The following PARD3B variants were observed in gnomAD, a reference collection of about 807,000 sequenced individuals.
PARD3B encodes partitioning defective 3 homolog B.
In PARD3B, 103 loss-of-function variants were observed where a neutral mutation model predicts 130.2. That is an observed-to-expected ratio of 0.79 (90% CI 0.67 to 0.93). The LOEUF (loss-of-function observed/expected upper bound fraction) is 0.93. Ranked by LOEUF, PARD3B falls within the 40% of genes least tolerant of loss-of-function variation. The probability of loss-of-function intolerance (pLI) is 0.00; values close to 1 mark genes in which losing one functional copy is unlikely to be tolerated. For missense variants in PARD3B, 1,609 were observed against 1,499.2 expected (o/e 1.07, Z -1.21); for synonymous variants, 583 against 553.2 (o/e 1.05, Z -0.76).
At position 204,771,071 on chromosome 2, in the gene PARD3B, C is replaced by G. The variant is rs572710682; in HGVS notation, c.222+84789C>G. On this transcript the variant is annotated intron_variant, in intron 2 of 22. Coordinates refer to ENST00000406610, the MANE Select transcript of PARD3B (RefSeq NM_001302769.2). ...GGTAAGAATTGTAGATAAGAATAGC[C>G]TAGACCCTCTTAAAGATCAGAGCAG... Among the ~76,000 whole-genome samples the G allele has an allele frequency of 2.6e-5, 4 of 152,142 alleles. No homozygotes were observed. The South Asian group carries it at 6.2e-4, about 24-fold the overall frequency.
chr2:205,149,565 T>C (rs868509673), intron 10 of PARD3B, among the ~76,000 whole-genome samples: 2 of 152,218 alleles, frequency 1.3e-5, no homozygotes, highest in African/African-American at 4.8e-5. Context: ...CAACTAAGTG[T>C]TCAGTCATGA....
chr2:205,328,956 A>G (rs558509396), intron 18 of PARD3B, among the ~76,000 whole-genome samples: 1 of 152,236 alleles, frequency 6.6e-6, no homozygotes, highest in Non-Finnish European at 1.5e-5. Flanking sequence ...TTTTTCCTCA[A>G]TGCATTTCTA....
At position 204,678,634 on chromosome 2, in the gene PARD3B, T is replaced by C. The variant is rs1032868164; in HGVS notation, c.121-7547T>C. Among the ~76,000 whole-genome samples, 10 of 151,976 alleles carry C rather than the reference T, an allele frequency of 6.6e-5. No individual in the cohort carries two copies. The highest frequency in any genetic ancestry group is 2.4e-4 in the African/African-American group (10 of 41,356). ...AGCCGCGTCTAGCCTTAGTCTCTGA[T>C]GCGCAGTTGCTTCTAGTCTCTGATG... is the stretch of plus-strand genomic sequence containing the variant. On this transcript the variant is annotated intron_variant, in intron 1 of 22. Coordinates refer to ENST00000406610, the MANE Select transcript of PARD3B (RefSeq NM_001302769.2). The surrounding 1 kb of genome is among the most constrained non-coding windows in gnomAD (Gnocchi z 4.2).
intron 4 of PARD3B, among the ~76,000 whole-genome samples, chr2:205,058,958 T>C (rs1490088462): frequency 1.3e-5 from 2 of 151,988 alleles, no homozygotes; most frequent in Non-Finnish European, 2.9e-5. Flanking sequence ...TTTTTCTTTT[T>C]TTTTTTTAAC....
At chr2:204,820,070 A>ATTTTTTTT (rs1559170803) in intron 2 of PARD3B, among the ~76,000 whole-genome samples, 13 of 86,296 alleles carry the variant, frequency 1.5e-4, no homozygotes, top group African/African-American at 7.1e-4. Flanking sequence ...TAAACAATAG[A>ATTTTTTTT]CTTTTTTTTT....
chr2:204,787,935 G>A (rs1164804479), intron 2 of PARD3B, among the ~76,000 whole-genome samples: 1 of 152,192 alleles, frequency 6.6e-6, no homozygotes, highest in Non-Finnish European at 1.5e-5. Context: ...ACCAGACGGA[G>A]CTCCTGGGGG....
chr2:204,608,506 G>A (rs747622957), intron 1 of PARD3B, among the ~76,000 whole-genome samples: 6 of 152,150 alleles, frequency 3.9e-5, no homozygotes, highest in African/African-American at 1.4e-4. Context: ...TTCTGAATTG[G>A]CTGGGTCTTA....
chr2:205,385,912 T>C (rs935694074), intron 18 of PARD3B, among the ~76,000 whole-genome samples: 1 of 152,190 alleles, frequency 6.6e-6, no homozygotes, highest in Admixed American at 6.6e-5. Flanking sequence ...CACAGAGTAT[T>C]AATTTTTAAA....
intron 2 of PARD3B, among the ~76,000 whole-genome samples, chr2:204,936,018 A>G (rs956307995): frequency 6.6e-6 from 1 of 152,246 alleles, no homozygotes; most frequent in African/African-American, 2.4e-5. Flanking sequence ...AAACATGTAC[A>G]GAATGTAAGA....
At chr2:205,303,862 T>C (rs1250449386) in intron 18 of PARD3B, among the ~76,000 whole-genome samples, 1 of 152,168 alleles carries the variant, frequency 6.6e-6, no homozygotes, top group East Asian at 1.9e-4. Flanking sequence ...TTTTGTTGGG[T>C]GTTACAGGCA....
At chr2:204,831,815 A>AT (rs199529202) in intron 2 of PARD3B, among the ~76,000 whole-genome samples, 12,394 of 151,638 alleles carry the variant, frequency 0.082, 613 homozygotes, top group African/African-American at 0.13. Flanking sequence ...AAGCTTCCAG[A>AT]TTTTTTTTTA....
intron 1 of PARD3B, among the ~76,000 whole-genome samples, chr2:204,647,086 T>C (rs1317680736): frequency 6.6e-6 from 1 of 151,772 alleles, no homozygotes; most frequent in Non-Finnish European, 1.5e-5. Context: ...AGTCGAAGAG[T>C]TTTAAGTTAA....
At chr2:205,354,596 A>T (rs12472752) in intron 18 of PARD3B, among the ~76,000 whole-genome samples, 1 of 151,670 alleles carries the variant, frequency 6.6e-6, no homozygotes, top group Non-Finnish European at 1.5e-5. Context: ...GGGATTATAA[A>T]CATGTGCCAC....
chr2:205,618,830 T>G lies in PARD3B; in HGVS notation c.*3017T>G, dbSNP rs2055514314. ...GGTTGTGGCACTCTCACCCTTGCCA[T>G]AATACCGTTTCCTAACAATATCAAA... On this transcript the variant is annotated 3_prime_UTR_variant, in exon 23 of 23. Coordinates refer to ENST00000406610, the MANE Select transcript of PARD3B (RefSeq NM_001302769.2). 1 of 152,190 alleles carries G rather than the reference T, an allele frequency of 6.6e-6. No homozygotes were observed. The highest frequency in any genetic ancestry group is 6.5e-5 in the Admixed American group (1 of 15,280). The allele number at this position is 152,190 out of a possible 1,614,324, so 9.4% of individuals were successfully genotyped here. A position where few individuals can be genotyped will look rare whatever the true frequency, so the allele number is the denominator to read the frequency against.
At chr2:205,041,612 G>A (rs975880681) in intron 3 of PARD3B, among the ~76,000 whole-genome samples, 4 of 151,942 alleles carry the variant, frequency 2.6e-5, no homozygotes, top group Non-Finnish European at 4.4e-5. Context: ...TGCTTTCACC[G>A]TGACCTGCCC....
chr2:204,992,190 C>G (rs1202935617), intron 3 of PARD3B, among the ~76,000 whole-genome samples: 3 of 147,666 alleles, frequency 2.0e-5, no homozygotes, highest in African/African-American at 7.5e-5. Context: ...AGGTTTTCTT[C>G]TAGGGTTTTT....
chr2:205,151,371 C>A (rs1301114237), intron 10 of PARD3B, among the ~76,000 whole-genome samples: 1 of 152,192 alleles, frequency 6.6e-6, no homozygotes, highest in East Asian at 1.9e-4. Flanking sequence ...GTGTTAAAGT[C>A]TCCCATTATT....
chr2:205,508,867 C>A (rs2106365354), intron 21 of PARD3B, among the ~76,000 whole-genome samples: 1 of 152,056 alleles, frequency 6.6e-6, no homozygotes, highest in East Asian at 1.9e-4. Context: ...ACATCAATGC[C>A]ACTGGAAGAG....
intron 3 of PARD3B, among the ~76,000 whole-genome samples, chr2:205,007,535 A>C (rs146465649): frequency 1.3e-5 from 2 of 152,022 alleles, no homozygotes; most frequent in African/African-American, 4.8e-5. Context: ...CCACTGGTCT[A>C]TGTGCCTGTT....
Sources: allele counts gnomAD v4.1 joint callset (sites outside exome capture counted in the v4.1 genomes callset), GRCh38; gene constraint gnomAD v4.1.1; non-coding constraint Gnocchi (gnomAD v3.1); transcripts MANE v1.5; gene names NCBI Gene and HGNC (gene_info 2026-07-23, HGNC 2026-07-21).